IL5RA: variants seen among roughly 807,000 people sequenced by gnomAD.
IL5RA encodes the protein interleukin-5 receptor subunit alpha.
In IL5RA, 49 loss-of-function variants were observed where a neutral mutation model predicts 50.0. The ratio of observed to expected loss-of-function variants is 0.98; its 90% CI spans 0.78 to 1.24. The LOEUF (loss-of-function observed/expected upper bound fraction) is 1.24, where lower values mean the gene tolerates loss of function less well. IL5RA is among the 50% of genes most tolerant of loss of function. IL5RA has a pLI of 0.00. For missense variants in IL5RA, 600 were observed against 500.4 expected, an observed-to-expected ratio of 1.20 and a Z score of -1.90; for synonymous variants, 202 against 174.0, an observed-to-expected ratio of 1.16 and a Z score of -1.26.
At chr3:3,105,116 C>A in intron 2 of IL5RA, 129 bp from the exon 3 acceptor site, 1 of 606,432 alleles carries the variant, frequency 1.6e-6, no homozygotes, top group Non-Finnish European at 3.0e-6. Context: ...TTGTTATGCG[C>A]AAAAAGTACA....
chr3:3,076,094 C>T (rs924149450), intron 10 of IL5RA, among the ~76,000 whole-genome samples: 2 of 152,150 alleles, frequency 1.3e-5, no homozygotes, highest in African/African-American at 2.4e-5. Context: ...CCATCAGCCA[C>T]TCAGGGGCCT....
chr3:3,069,024 A>G lies in IL5RA; in HGVS notation c.*1201T>C, dbSNP rs1343191624. 1 of 152,228 alleles carries G rather than the reference A, an allele frequency of 6.6e-6. No homozygotes were observed. Among genetic ancestry groups the G allele is most frequent in the Non-Finnish European group, 1.5e-5 (1 of 68,046 alleles). The allele number at this position is 152,228 out of a possible 1,614,324, so 9.4% of individuals were successfully genotyped here. A position where few individuals can be genotyped will look rare whatever the true frequency, so the allele number is the denominator to read the frequency against. On this transcript the variant is annotated 3_prime_UTR_variant, in exon 12 of 12. Coordinates refer to ENST00000446632, the MANE Select transcript of IL5RA (RefSeq NM_175726.4). The stretch of plus-strand genomic sequence containing the variant: ...GTCAGTGTGTCCCCACCGATGGATC[A>G]AAACTGACTAAAACACCTCCAGAAA...
At chr3:3,093,134 C>T (rs1218828220) in intron 8 of IL5RA, among the ~76,000 whole-genome samples, 1 of 152,172 alleles carries the variant, frequency 6.6e-6, no homozygotes, top group Non-Finnish European at 1.5e-5. Context: ...AAAGAAGCCA[C>T]TTCTTTATTT....
At position 3,066,469 on chromosome 3, in the gene IL5RA, C is replaced by G. The variant is rs1462465759; in HGVS notation, c.*3756G>C. Reference sequence around the variant, plus strand: ...GGAATGGTTTTGAAAAAATTTGCACCCTGGTACTCAATTTGAAGGATGTAG... The same window carrying G: ...GGAATGGTTTTGAAAAAATTTGCACGCTGGTACTCAATTTGAAGGATGTAG... On this transcript the variant is annotated 3_prime_UTR_variant, in exon 12 of 12. Transcript: ENST00000446632. 1 of 152,020 alleles carries G rather than the reference C, an allele frequency of 6.6e-6. No individual in the cohort carries two copies. The highest frequency in any genetic ancestry group is 1.5e-5 in the Non-Finnish European group (1 of 68,020). 9.4% of individuals were successfully genotyped at this position (152,020 alleles called of 1,614,324 possible). A position where few individuals can be genotyped will look rare whatever the true frequency, so the allele number is the denominator to read the frequency against.
chr3:3,095,919 G>A (rs566463500), intron 7 of IL5RA, among the ~76,000 whole-genome samples: 18 of 152,212 alleles, frequency 1.2e-4, no homozygotes, highest in South Asian at 4.2e-4. Flanking sequence ...TTTGTTTACT[G>A]CGTCTTTTGG....
chr3:3,070,399 T>A, intron 11 of IL5RA, 88 bp from the exon 12 acceptor site: 2 of 770,110 alleles, frequency 2.6e-6, no homozygotes, highest in Non-Finnish European at 4.4e-6. Flanking sequence ...AGTCTATTAT[T>A]TTTTAAATAA....
chr3:3,090,265 C>A (rs902095829), intron 9 of IL5RA: 1 of 1,571,504 alleles, frequency 6.4e-7, no homozygotes, highest in Non-Finnish European at 8.7e-7. Flanking sequence ...CCCTAGGAAA[C>A]AGAGAGAAAT....
At position 3,066,558 on chromosome 3, in the gene IL5RA, T is replaced by G. The variant is rs340829; in HGVS notation, c.*3667A>C. 61,368 of 152,034 alleles carry G rather than the reference T, an allele frequency of 0.4. 12,670 individuals are homozygous for G. The highest frequency in any genetic ancestry group is 0.43 in the Non-Finnish European group (29,189 of 67,960). The allele number at this position is 152,034 out of a possible 1,614,324, so 9.4% of individuals were successfully genotyped here. Reference sequence around the variant, plus strand: ...CCTATTCTAATTAGGTTTTTCACCTTTACTTGTGCCATCAGAGATTGTTTT... The same window carrying G: ...CCTATTCTAATTAGGTTTTTCACCTGTACTTGTGCCATCAGAGATTGTTTT... On this transcript the variant is annotated 3_prime_UTR_variant, in exon 12 of 12. Coordinates refer to ENST00000446632, the MANE Select transcript of IL5RA (RefSeq NM_175726.4).
chr3:3,091,991 C>A, intron 9 of IL5RA: 1 of 1,218,458 alleles, frequency 8.2e-7, no homozygotes, highest in Non-Finnish European at 1.0e-6. Context: ...GGAAAAAAAA[C>A]AGGCACCAGG....
intron 10 of IL5RA, among the ~76,000 whole-genome samples, chr3:3,076,254 A>G (rs1377822784): frequency 6.6e-6 from 1 of 152,218 alleles, no homozygotes. Flanking sequence ...CCGCAAGTAG[A>G]AACCTTCACA....
At chr3:3,107,993 C>T (rs1179553815) in intron 2 of IL5RA, among the ~76,000 whole-genome samples, 2 of 152,112 alleles carry the variant, frequency 1.3e-5, no homozygotes, top group Admixed American at 6.6e-5. Flanking sequence ...ATACTGGCAC[C>T]CCTGTTTTTA....
Position 3,068,587 on chromosome 3 carries a change from C to CAAAAAAAAAAAAAAAAAAAAA in IL5RA, c.*1617_*1637dup, listed in dbSNP as rs760670295. The CAAAAAAAAAAAAAAAAAAAAA allele has an allele frequency of 2.8e-5, 1 of 35,618 alleles. No individual in the cohort carries two copies. The highest frequency in any genetic ancestry group is 8.8e-5 in the African/African-American group (1 of 11,344). 2.2% of individuals were successfully genotyped at this position (35,618 alleles called of 1,614,324 possible). ...AAGACTGTCTCCACCACCCACCCCA[C>CAAAAAAAAAAAAAAAAAAAAA]AAAAAAAAAAAAAAAAAAAAACAAA... On this transcript the variant is annotated 3_prime_UTR_variant, in exon 12 of 12. Transcript: ENST00000446632.
intron 2 of IL5RA, among the ~76,000 whole-genome samples, chr3:3,107,698 A>G (rs17879756): frequency 0.014 from 2,149 of 152,292 alleles, 20 homozygotes; most frequent in Non-Finnish European, 0.022. Context: ...CTACTTGCTC[A>G]TATAACATTT....
In IL5RA at chr3:3,084,114, C is replaced by T. The variant is rs1037257718; in HGVS notation, c.995-7487G>A. 2.0e-5 allele frequency among the ~76,000 whole-genome samples: 3 copies of T among 151,294 alleles called. No individual in the cohort carries two copies. In the East Asian group the frequency reaches 5.8e-4, roughly 29 times the overall value. ...TGCCACTTGCTACCAAAGTGACCTT[C>T]GGCAGGGTAGCCTCTCCAGCTTCTA... On this transcript the variant is annotated intron_variant, in intron 9 of 11. Coordinates refer to ENST00000446632, the MANE Select transcript of IL5RA (RefSeq NM_175726.4).
intron 5 of IL5RA, among the ~76,000 whole-genome samples, chr3:3,101,009 AT>A (rs1410936220): frequency 4.0e-5 from 5 of 126,392 alleles, no homozygotes; most frequent in African/African-American, 1.3e-4. Context: ...AATAATAATA[AT>A]AATAATAATA....
chr3:3,080,984 C>T (rs1376352796), intron 9 of IL5RA, among the ~76,000 whole-genome samples: 1 of 152,196 alleles, frequency 6.6e-6, no homozygotes, highest in African/African-American at 2.4e-5. Context: ...GCGTGACCAA[C>T]TGTGCCTAGC....
intron 11 of IL5RA, among the ~76,000 whole-genome samples, chr3:3,072,760 A>C (rs1702344435): frequency 6.6e-6 from 1 of 152,182 alleles, no homozygotes; most frequent in Non-Finnish European, 1.5e-5. Context: ...AAAAATACAA[A>C]AATTAGCTGG....
Position 3,092,274 on chromosome 3 carries a change from A to G in IL5RA, c.944T>C (p.Met315Thr), listed in dbSNP as rs1176402550. ...ACTCCAGAGCCCTGCCTCTCTGCAC[A>G]TGGAGCTCACTGCTGCTCTCACTTG... ...DVQVRAAVSSMCREAGLWSEW... is the reference protein window; with the variant it reads ...DVQVRAAVSSTCREAGLWSEW... The change falls in exon 9 of 12, where the codon ATG becomes ACG. Residue 315 changes from methionine to threonine, a missense_variant. Met to Thr is a moderately conservative substitution (Grantham distance 81). Transcript: ENST00000446632. The surrounding 1 kb of genome is among the most constrained non-coding windows in gnomAD (Gnocchi z 4.2). 2.5e-6 allele frequency: 4 copies of G among 1,614,050 alleles called. No individual in the cohort carries two copies. The South Asian group carries it at 3.3e-5, about 13-fold the overall frequency.
intron 11 of IL5RA, among the ~76,000 whole-genome samples, chr3:3,073,260 C>G (rs986991401): frequency 1.3e-5 from 2 of 152,194 alleles, no homozygotes; most frequent in African/African-American, 2.4e-5. Flanking sequence ...GCTTTCTTTT[C>G]CCTACAACCA....
Sources: gnomAD v4.1 joint callset for allele counts (sites outside exome capture counted in the v4.1 genomes callset) on GRCh38, gnomAD v4.1.1 for gene constraint, Gnocchi (gnomAD v3.1) non-coding constraint, MANE v1.5 for transcripts, NCBI Gene and HGNC (gene_info 2026-07-23, HGNC 2026-07-21) for gene names.